Variants in PHF12 observed in about 807,000 individuals in gnomAD.
PHF12 encodes PHD factor 1.
Under a neutral mutation model 99.8 loss-of-function variants are expected in PHF12, and 6 were observed. The observed-to-expected ratio is 0.06, with a 90% CI of 0.03 to 0.12. The LOEUF (loss-of-function observed/expected upper bound fraction) is 0.12. Ranked by LOEUF, PHF12 falls within the 10% of genes least tolerant of loss-of-function variation. The pLI is 1.00. For missense variants in PHF12, 954 were observed against 1,300.1 expected, an observed-to-expected ratio of 0.73 and a Z score of 4.09; for synonymous variants, 480 against 514.9, an observed-to-expected ratio of 0.93 and a Z score of 0.92.
chr17:28,913,071 A>G lies in PHF12; in HGVS notation c.1500T>C (p.Ile500=). 1 of 1,614,160 alleles carries G rather than the reference A, an allele frequency of 6.2e-7. No individual in the cohort carries two copies. Among genetic ancestry groups the G allele is most frequent in the Non-Finnish European group, 8.5e-7 (1 of 1,180,014 alleles). Residue 500 remains isoleucine (I), a synonymous_variant, in exon 9 of 15, where the codon ATT becomes ATC. Coordinates refer to ENST00000332830, the MANE Select transcript of PHF12 (RefSeq NM_001033561.2). The part of the protein sequence containing the change: ...SHYPLSCPSG[I]STQNSLSCSP... ...AGCAGCTCAGGGAATTCTGGGTGCT[A>G]ATCCCTGAGGGGCAGGACAAGGGGT... is the stretch of plus-strand genomic sequence containing the variant.
chr17:28,928,777 AAAAC>A (rs112582212), intron 2 of PHF12, among the ~76,000 whole-genome samples: 54 of 151,808 alleles, frequency 3.6e-4, no homozygotes, highest in Admixed American at 5.9e-4. Context: ...ACTCCATCTC[AAAAC>A]AAACAAACAA....
At chr17:28,927,331 C>A (rs997583063) in intron 2 of PHF12, among the ~76,000 whole-genome samples, 1 of 152,080 alleles carries the variant, frequency 6.6e-6, no homozygotes, top group African/African-American at 2.4e-5. Context: ...CTGAGAGGTC[C>A]TCCACACTGT....
chr17:28,917,500 T>A, intron 6 of PHF12, 51 bp from the exon 7 acceptor site: 1 of 1,544,162 alleles, frequency 6.5e-7, no homozygotes, highest in Non-Finnish European at 8.7e-7. Flanking sequence ...AGGCACCTCC[T>A]ATCCCAGTTA....
intron 2 of PHF12, 85 bp from the exon 3 acceptor site, chr17:28,927,148 A>G: frequency 7.8e-7 from 1 of 1,280,770 alleles, no homozygotes; most frequent in Middle Eastern, 2.3e-4. Context: ...ATGTTCCTAA[A>G]CTCCTATTGT....
Position 28,949,452 on chromosome 17 carries a change from G to A in PHF12, c.248+613C>T, listed in dbSNP as rs1397899426. Among the ~76,000 whole-genome samples, 1 of 152,166 alleles carries A rather than the reference G, an allele frequency of 6.6e-6. No homozygotes were observed. Among genetic ancestry groups the A allele is most frequent in the Admixed American group, 6.5e-5 (1 of 15,288 alleles). ...AAAGGACTCTGGGGCTGTCCCCACC[G>A]TTCCCCCGAGAGACGTTTGCAAATC... On this transcript the variant is annotated intron_variant, in intron 2 of 14. Coordinates refer to ENST00000332830, the MANE Select transcript of PHF12 (RefSeq NM_001033561.2). This position sits in a 1 kb window ranked among gnomAD's most constrained non-coding sequence, Gnocchi z 4.6.
chr17:28,917,502 TCCCAGTTAA>T (rs2040084478), intron 6 of PHF12, 53 bp from the exon 7 acceptor site: 1 of 1,543,740 alleles, frequency 6.5e-7, no homozygotes, highest in Non-Finnish European at 8.7e-7. Flanking sequence ...GCACCTCCTA[TCCCAGTTAA>T]CCCCATTCCC....
chr17:28,939,653 A>T (rs889618269), intron 2 of PHF12, among the ~76,000 whole-genome samples: 1 of 152,222 alleles, frequency 6.6e-6, no homozygotes, highest in African/African-American at 2.4e-5. Flanking sequence ...CTTTAAATTC[A>T]CTTGAAGCTC....
chr17:28,908,633 C>G, intron 12 of PHF12, 150 bp downstream of exon 12: 1 of 720,764 alleles, frequency 1.4e-6, no homozygotes, highest in South Asian at 1.8e-5. Context: ...TGTCTCTATT[C>G]TTAGTTTCTC....
chr17:28,909,928 A>G (rs2039929120), intron 11 of PHF12: 11 of 606,746 alleles, frequency 1.8e-5, no homozygotes, highest in Non-Finnish European at 2.9e-5. Flanking sequence ...AAAGCAAGTA[A>G]GCAGAAAGTA....
chr17:28,909,253 G>A (rs987699740), intron 11 of PHF12: 5 of 198,086 alleles, frequency 2.5e-5, no homozygotes, highest in Admixed American at 5.4e-5. Flanking sequence ...CATAAGAATC[G>A]CCTACAGATC....
rs1300394751 is a variant in PHF12 at position 28,905,774 on chromosome 17, TTTTAA to T, written c.*404_*408del. On this transcript the variant is annotated 3_prime_UTR_variant, in exon 15 of 15. Transcript: ENST00000332830. The stretch of plus-strand genomic sequence containing the variant: ...TGCTGTATGAAAACTGTATTTTTTC[TTTTAA>T]TATAAAACTATTGTCACTGCCACAA... 1 of 159,730 alleles carries T rather than the reference TTTTAA, an allele frequency of 6.3e-6. No individual in the cohort carries two copies. The highest frequency in any genetic ancestry group is 1.4e-5 in the Non-Finnish European group (1 of 73,174). 9.9% of individuals were successfully genotyped at this position (159,730 alleles called of 1,614,324 possible).
At position 28,950,309 on chromosome 17, in the gene PHF12, C is replaced by T. The variant is rs746422951; in HGVS notation, c.67-63G>A. On this transcript the variant is annotated intron_variant, in intron 1 of 14. Coordinates refer to ENST00000332830, the MANE Select transcript of PHF12 (RefSeq NM_001033561.2). This position sits in a 1 kb window ranked among gnomAD's most constrained non-coding sequence, Gnocchi z 5.7. ...AGCTCCCGGGCGGTCCGTCGCCCCCCCGGCGCGGTTTCTCCGTCACCCACC... is the reference window on the plus strand; with the variant it reads ...AGCTCCCGGGCGGTCCGTCGCCCCCTCGGCGCGGTTTCTCCGTCACCCACC... 6.1e-5 allele frequency: 93 copies of T among 1,519,902 alleles called. No homozygotes were observed. Among genetic ancestry groups the T allele is most frequent in the Non-Finnish European group, 8.0e-5 (91 of 1,131,464 alleles). 94.2% of individuals were successfully genotyped at this position (1,519,902 alleles called of 1,614,324 possible).
Position 28,913,178 on chromosome 17 carries a change from C to T in PHF12, c.1393G>A (p.Asp465Asn), listed in dbSNP as rs1315920906. 2 of 1,614,184 alleles carry T rather than the reference C, an allele frequency of 1.2e-6. No homozygotes were observed. The highest frequency in any genetic ancestry group is 1.7e-6 in the Non-Finnish European group (2 of 1,180,028). The part of the protein sequence containing the change: ...HWDSEQTEKA[D>N]IKPVIVTDSS... The stretch of plus-strand genomic sequence containing the variant: ...TCAGTCACAATAACAGGCTTAATAT[C>T]AGCCTTCTCTGTCTGTTCAGAGTCC... The change falls in exon 9 of 15, where the codon GAT (aspartate) becomes AAT (asparagine). Residue 465 changes from aspartate (D) to asparagine (N), a missense_variant. Asp to Asn is a conservative substitution (Grantham distance 23, BLOSUM62 1). Around this residue, in one of 8 missense-constraint regions of PHF12, gnomAD observed 392 missense variants for 423.1 expected, o/e 0.93. Coordinates refer to ENST00000332830, the MANE Select transcript of PHF12 (RefSeq NM_001033561.2).
At chr17:28,939,024 T>C (rs1400596484) in intron 2 of PHF12, among the ~76,000 whole-genome samples, 2 of 152,238 alleles carry the variant, frequency 1.3e-5, no homozygotes. Context: ...CATACAAACC[T>C]TGGACATGCG....
Position 28,906,772 on chromosome 17 carries a change from C to T in PHF12, c.2680+84G>A. Reference sequence around the variant, plus strand: ...AGCTTGGCCAATAGGACTGGGAAGGCAAGAGACAGACCATGGGCAGCAAGT... The same window carrying T: ...AGCTTGGCCAATAGGACTGGGAAGGTAAGAGACAGACCATGGGCAGCAAGT... On this transcript the variant is annotated intron_variant, in intron 14 of 14. Transcript: ENST00000332830. This position sits in a 1 kb window ranked among gnomAD's most constrained non-coding sequence, Gnocchi z 4.2. The T allele has an allele frequency of 6.6e-7, 1 of 1,507,420 alleles. No homozygotes were observed. The highest frequency in any genetic ancestry group is 8.9e-7 in the Non-Finnish European group (1 of 1,118,302). 93.4% of individuals were successfully genotyped at this position (1,507,420 alleles called of 1,614,324 possible).
At chr17:28,940,768 G>T (rs988051019) in intron 2 of PHF12, among the ~76,000 whole-genome samples, 11 of 152,216 alleles carry the variant, frequency 7.2e-5, no homozygotes, top group Non-Finnish European at 1.5e-5. Flanking sequence ...CTAGTGACCT[G>T]TGCATGCGTC....
At position 28,950,791 on chromosome 17, in the gene PHF12, C is replaced by T; in HGVS notation, c.66+104G>A. 6.7e-7 allele frequency: 1 copy of T among 1,498,778 alleles called. No homozygotes were observed. The highest frequency in any genetic ancestry group is 9.0e-7 in the Non-Finnish European group (1 of 1,111,622). The allele number at this position is 1,498,778 out of a possible 1,614,324, so 92.8% of individuals were successfully genotyped here. A position where few individuals can be genotyped will look rare whatever the true frequency, so the allele number is the denominator to read the frequency against. On this transcript the variant is annotated intron_variant, in intron 1 of 14. Transcript: ENST00000332830. The surrounding 1 kb of genome is among the most constrained non-coding windows in gnomAD (Gnocchi z 5.7). ...GGCTAGGTGAGGAAGAATCCCCCTC[C>T]CTCGGCCATCTAGGCGCTTCGAGTT...
rs553387633 is a variant in PHF12 at position 28,917,820 on chromosome 17, C to T, written c.970-371G>A. 1.1e-4 allele frequency among the ~76,000 whole-genome samples: 16 copies of T among 152,172 alleles called. 1 individual carries two copies. In the South Asian group the frequency reaches 2.3e-3, roughly 22 times the overall value. ...CAGGTTTCAGAGAAGACGTATGCTT[C>T]GACCCTTAAGAGACCCACACTCCCT... On this transcript the variant is annotated intron_variant, in intron 6 of 14. Coordinates refer to ENST00000332830, the MANE Select transcript of PHF12 (RefSeq NM_001033561.2).
At chr17:28,925,914 C>G (rs2040264369) in intron 3 of PHF12, 1 of 152,238 alleles carries the variant, frequency 6.6e-6, no homozygotes, top group Non-Finnish European at 1.5e-5. Context: ...TCAGGTCCAG[C>G]TTTTTTGAGT....
Sources: gnomAD v4.1 joint callset for allele counts (sites outside exome capture counted in the v4.1 genomes callset) on GRCh38, gnomAD v4.1.1 for gene constraint, gnomAD v4.1.1 regional missense constraint, Gnocchi (gnomAD v3.1) non-coding constraint, MANE v1.5 for transcripts, NCBI Gene and HGNC (gene_info 2026-07-23, HGNC 2026-07-21) for gene names.